Variants in BEND4 observed in about 807,000 individuals in gnomAD.
The protein encoded by BEND4 is BEN domain containing 4, also known as BEN domain-containing protein 4.
Under a neutral mutation model 54.7 loss-of-function variants are expected in BEND4, and 27 were observed. That is an observed-to-expected ratio of 0.49 (90% confidence interval 0.36 to 0.68). The LOEUF (loss-of-function observed/expected upper bound fraction) is 0.68, where lower values mean the gene tolerates loss of function less well. Among genes scored for constraint, BEND4 ranks in the 30% least tolerant of loss-of-function variants. The pLI is 0.00. For synonymous variants in BEND4, 327 were observed against 299.5 expected (o/e 1.09, Z -0.95); for missense variants, 702 against 697.2 (o/e 1.01, Z -0.08).
At chr4:42,127,925 G>A (rs1720347781) in intron 3 of BEND4, among the ~76,000 whole-genome samples, 1 of 152,016 alleles carries the variant, frequency 6.6e-6, no homozygotes, top group Non-Finnish European at 1.5e-5. Context: ...AAATTTGAGA[G>A]GCAAAGGTGG....
intron 2 of BEND4, among the ~76,000 whole-genome samples, chr4:42,149,213 T>A (rs1360353259): frequency 9.5e-6 from 1 of 104,792 alleles, no homozygotes. Flanking sequence ...CCACCCAGTA[T>A]GCTTAAATGG....
chr4:42,135,599 C>T (rs376345762), intron 3 of BEND4, among the ~76,000 whole-genome samples: 3 of 152,020 alleles, frequency 2.0e-5, no homozygotes, highest in East Asian at 1.9e-4. Context: ...AGTGAAACCC[C>T]GTCTCTACTA....
At chr4:42,147,718 T>C (rs1721124929) in intron 2 of BEND4, among the ~76,000 whole-genome samples, 1 of 152,190 alleles carries the variant, frequency 6.6e-6, no homozygotes, top group Non-Finnish European at 1.5e-5. Flanking sequence ...AAATTGTGCC[T>C]TGTCCGATTC....
At chr4:42,147,481 C>CTTTTTTTTTTTTTTTTTTTTTTT in intron 2 of BEND4, among the ~76,000 whole-genome samples, 1 of 131,930 alleles carries the variant, frequency 7.6e-6, no homozygotes, top group Non-Finnish European at 1.6e-5. Flanking sequence ...ATTTTTTTAA[C>CTTTTTTTTTTTTTTTTTTTTTTT]TTTTTTTTTT....
intron 3 of BEND4, 71 bp from the exon 4 acceptor site, chr4:42,125,745 G>GTT (rs370061487): frequency 3.5e-3 from 2,824 of 813,676 alleles, no homozygotes; most frequent in Non-Finnish European, 4.0e-3. Flanking sequence ...ATTTTTTAAA[G>GTT]TTTTTTTTTT....
At chr4:42,150,351 GA>G (rs777527167) in intron 2 of BEND4, among the ~76,000 whole-genome samples, 4 of 125,468 alleles carry the variant, frequency 3.2e-5, no homozygotes, top group Non-Finnish European at 6.2e-5. Context: ...GAACCCCACT[GA>G]AAGCAATCAA....
At position 42,125,564 on chromosome 4, in the gene BEND4, C is replaced by T. The variant is rs747340665; in HGVS notation, c.1146+19G>A. ...AGAGAATTCCAAATGGAACATTCAC[C>T]TTTTTACCAGAGACCTACCTCTGTC... On this transcript the variant is annotated intron_variant, in intron 4 of 5. Coordinates refer to ENST00000502486, the MANE Select transcript of BEND4 (RefSeq NM_207406.4). 27 of 1,591,948 alleles carry T rather than the reference C, an allele frequency of 1.7e-5. No homozygotes were observed. In the Admixed American group the frequency reaches 4.3e-4, roughly 26 times the overall value.
At chr4:42,123,933 G>C (rs1380326473) in intron 4 of BEND4, among the ~76,000 whole-genome samples, 1 of 152,204 alleles carries the variant, frequency 6.6e-6, no homozygotes, top group African/African-American at 2.4e-5. Flanking sequence ...GAATAGGTGT[G>C]GTGAGATCAA....
At chr4:42,132,277 T>C (rs1022395359) in intron 3 of BEND4, among the ~76,000 whole-genome samples, 7 of 152,026 alleles carry the variant, frequency 4.6e-5, no homozygotes, top group Non-Finnish European at 8.8e-5. Context: ...TGTAGCTGTG[T>C]GGAGTCCAGG....
intron 3 of BEND4, among the ~76,000 whole-genome samples, chr4:42,138,982 G>T (rs1443351251): frequency 1.3e-5 from 2 of 152,114 alleles, no homozygotes; most frequent in African/African-American, 4.8e-5. Context: ...ATGAAATATG[G>T]TATTTTATAT....
rs1719754597 is a variant in BEND4, at chr4:42,115,234, T to C, written c.*2284A>G. On this transcript the variant is annotated 3_prime_UTR_variant, in exon 6 of 6. Transcript: ENST00000502486. ...GGGAGGAAGAGACCATGTGTAACTT[T>C]GGAACAAAAGTGGTGTGCAAACCTG... 1 of 152,220 alleles carries C rather than the reference T, an allele frequency of 6.6e-6. No individual in the cohort carries two copies. Among genetic ancestry groups the C allele is most frequent in the South Asian group, 2.1e-4 (1 of 4,820 alleles). 9.4% of individuals were successfully genotyped at this position (152,220 alleles called of 1,614,324 possible). A position where few individuals can be genotyped will look rare whatever the true frequency, so the allele number is the denominator to read the frequency against.
chr4:42,143,932 A>G lies in BEND4; in HGVS notation c.550T>C (p.Cys184Arg). ...QCSRVLSLLN[C>R]GGKLLDSNHS... The stretch of plus-strand genomic sequence containing the variant: ...TTGGAGTCCAGGAGTTTTCCTCCAC[A>G]ATTTAAGAGGCTAAGAACTCGACTG... Residue 184 changes from cysteine (C) to arginine (R), a missense_variant, in exon 3 of 6, where the codon TGT becomes CGT. Transcript: ENST00000502486. 1 of 1,536,860 alleles carries G rather than the reference A, an allele frequency of 6.5e-7. No homozygotes were observed. Among genetic ancestry groups the G allele is most frequent in the Non-Finnish European group, 8.7e-7 (1 of 1,146,348 alleles).
Position 42,125,781 on chromosome 4 carries a change from C to A in BEND4, c.1055-107G>T, listed in dbSNP as rs1720256634. 7.5e-6 allele frequency: 5 copies of A among 670,084 alleles called. No individual in the cohort carries two copies. In the East Asian group the frequency reaches 1.4e-4, roughly 19 times the overall value. The allele number at this position is 670,084 out of a possible 1,614,324, so 41.5% of individuals were successfully genotyped here. ...TTTAAACAGAGGTCTTACTGGCACC[C>A]ATACTGGAGTGCAGTGTGGTGATCT... On this transcript the variant is annotated intron_variant, in intron 3 of 5. Transcript: ENST00000502486.
At chr4:42,138,276 C>T (rs750747576) in intron 3 of BEND4, among the ~76,000 whole-genome samples, 9 of 152,146 alleles carry the variant, frequency 5.9e-5, no homozygotes, top group Non-Finnish European at 1.2e-4. Context: ...TTTGCCACTG[C>T]CACAACTTGG....
At chr4:42,119,898 C>T (rs1719992363) in intron 5 of BEND4, 156 bp downstream of exon 5, 2 of 892,098 alleles carry the variant, frequency 2.2e-6, no homozygotes. Context: ...TTTAAAAGAG[C>T]TTCTCAAGAC....
chr4:42,113,055 A>G lies in BEND4; in HGVS notation c.*4463T>C, dbSNP rs1187187879. 2 of 152,356 alleles carry G rather than the reference A, an allele frequency of 1.3e-5. No homozygotes were observed. The highest frequency in any genetic ancestry group is 3.9e-4 in the East Asian group (2 of 5,188). 9.4% of individuals were successfully genotyped at this position (152,356 alleles called of 1,614,324 possible). On this transcript the variant is annotated 3_prime_UTR_variant, in exon 6 of 6. Transcript: ENST00000502486. Reference sequence around the variant, plus strand: ...TACATACTGCTGTTTAGACACATTTACATTAGAGTTCTGACTCAAGCACTC... The same window carrying G: ...TACATACTGCTGTTTAGACACATTTGCATTAGAGTTCTGACTCAAGCACTC...
At chr4:42,139,150 GC>G (rs1248995799) in intron 3 of BEND4, among the ~76,000 whole-genome samples, 1 of 152,102 alleles carries the variant, frequency 6.6e-6, no homozygotes, top group Non-Finnish European at 1.5e-5. Context: ...AAAGTCTTCT[GC>G]TTTTGTGGTT....
chr4:42,132,453 T>TTATG (rs1250810955), intron 3 of BEND4, among the ~76,000 whole-genome samples: 5 of 152,006 alleles, frequency 3.3e-5, no homozygotes, highest in Admixed American at 2.0e-4. Flanking sequence ...ATTTATTTAT[T>TTATG]TATTTATTGA....
chr4:42,140,468 C>G (rs1252582560), intron 3 of BEND4, among the ~76,000 whole-genome samples: 1 of 152,204 alleles, frequency 6.6e-6, no homozygotes, highest in Non-Finnish European at 1.5e-5. Flanking sequence ...GGATTGTCAA[C>G]AGGGTTGAAT....
Sources: allele counts gnomAD v4.1 joint callset (sites outside exome capture counted in the v4.1 genomes callset), GRCh38; gene constraint gnomAD v4.1.1; transcripts MANE v1.5; gene names NCBI Gene and HGNC (gene_info 2026-07-23, HGNC 2026-07-21).